ERICH6B: variants seen among roughly 807,000 people sequenced by gnomAD.
The protein encoded by ERICH6B is glutamate-rich protein 6B.
Under a neutral mutation model 80.0 loss-of-function variants are expected in ERICH6B, and 69 were observed. The observed-to-expected ratio is 0.86, with a 90% CI of 0.71 to 1.05. The LOEUF (loss-of-function observed/expected upper bound fraction) is 1.05, where lower values mean the gene tolerates loss of function less well. Ranked by LOEUF, ERICH6B falls within the 50% of genes least tolerant of loss-of-function variation. The pLI is 0.00. For missense variants in ERICH6B, 754 were observed against 796.1 expected, an observed-to-expected ratio of 0.95 and a Z score of 0.64; for synonymous variants, 283 against 291.9, an observed-to-expected ratio of 0.97 and a Z score of 0.31.
chr13:45,563,630 C>A, intron 10 of ERICH6B, 97 bp downstream of exon 10: 2 of 1,137,330 alleles, frequency 1.8e-6, no homozygotes, highest in Non-Finnish European at 2.6e-6. Flanking sequence ...GTGAATGAGC[C>A]CTTCCACCTT....
At chr13:45,544,336 A>G (rs1316829694) in intron 14 of ERICH6B, among the ~76,000 whole-genome samples, 2 of 152,148 alleles carry the variant, frequency 1.3e-5, no homozygotes, top group African/African-American at 4.8e-5. Flanking sequence ...CGGCCCCTCA[A>G]AGTGCTGGGA....
At chr13:45,561,965 A>T (rs1874701127) in intron 10 of ERICH6B, among the ~76,000 whole-genome samples, 1 of 152,186 alleles carries the variant, frequency 6.6e-6, no homozygotes, top group African/African-American at 2.4e-5. Context: ...AAAAAGGTAA[A>T]ATGGAAGTGT....
intron 1 of ERICH6B, among the ~76,000 whole-genome samples, chr13:45,613,572 C>T (rs1289289253): frequency 1.3e-5 from 2 of 152,176 alleles, no homozygotes; most frequent in African/African-American, 4.8e-5. Flanking sequence ...TGAAGTTTAT[C>T]ACAACCACCA....
In ERICH6B at chr13:45,559,618, A is replaced by T. The variant is rs187827816; in HGVS notation, c.1407+1751T>A. On this transcript the variant is annotated intron_variant, in intron 11 of 14. Transcript: ENST00000298738. The stretch of plus-strand genomic sequence containing the variant: ...TCACTATTGTCATTCAGTTCTAAAA[A>T]TTTTTAAATTTCCATCATGATTTCA... Among the ~76,000 whole-genome samples the T allele has an allele frequency of 6.3e-3, 954 of 152,236 alleles. 12 individuals carry two copies. Among genetic ancestry groups the T allele is most frequent in the African/African-American group, 0.022 (904 of 41,538 alleles).
intron 1 of ERICH6B, among the ~76,000 whole-genome samples, chr13:45,611,425 A>G (rs2138042118): frequency 6.6e-6 from 1 of 152,390 alleles, no homozygotes; most frequent in East Asian, 1.9e-4. Flanking sequence ...AGATTAAAGA[A>G]GCTTTCACAC....
chr13:45,597,312 G>C (rs1364421239), intron 2 of ERICH6B, among the ~76,000 whole-genome samples: 1 of 152,154 alleles, frequency 6.6e-6, no homozygotes, highest in East Asian at 1.9e-4. Flanking sequence ...GAAGTCAATG[G>C]GGAGGGCTGG....
chr13:45,571,293 C>G (rs1035333179), intron 8 of ERICH6B, among the ~76,000 whole-genome samples: 16 of 152,082 alleles, frequency 1.1e-4, no homozygotes, highest in African/African-American at 3.9e-4. Flanking sequence ...AGTGACTAGT[C>G]TTTACACCCT....
chr13:45,586,140 G>T (rs1371510626), intron 5 of ERICH6B, among the ~76,000 whole-genome samples: 1 of 152,026 alleles, frequency 6.6e-6, no homozygotes, highest in East Asian at 1.9e-4. Context: ...CGCTGAAAAA[G>T]GTCCCCAGTG....
At chr13:45,571,648 A>G (rs756347919) in intron 8 of ERICH6B, among the ~76,000 whole-genome samples, 2 of 152,234 alleles carry the variant, frequency 1.3e-5, no homozygotes, top group Non-Finnish European at 2.9e-5. Context: ...TTGAAGTTCA[A>G]TACCTTAGAC....
chr13:45,563,760 C>A lies in ERICH6B; in HGVS notation c.1216G>T (p.Glu406Ter), dbSNP rs867892205. The change falls in exon 10 of 15, where the codon GAA becomes TAA. Residue 406 changes from glutamate to a stop codon, truncating the protein, a stop_gained. Coordinates refer to ENST00000298738, the MANE Select transcript of ERICH6B (RefSeq NM_182542.3). LOFTEE classifies it high-confidence loss of function. Reference protein sequence around the residue: ...MLKKNYEKFKETILRIKRRRE... With the variant: ...MLKKNYEKFK The stretch of plus-strand genomic sequence containing the variant: ...CTCCTCTTAATCCGTAAGATTGTTT[C>A]CTTGAACTTTTCATAATTTTTCTTC... 6.4e-7 allele frequency: 1 copy of A among 1,552,250 alleles called. No individual in the cohort carries two copies. The highest frequency in any genetic ancestry group is 8.7e-7 in the Non-Finnish European group (1 of 1,147,120).
chr13:45,595,957 G>A (rs996196924), intron 3 of ERICH6B, among the ~76,000 whole-genome samples: 10 of 152,016 alleles, frequency 6.6e-5, no homozygotes, highest in Non-Finnish European at 1.5e-4. Context: ...CTTATATATA[G>A]TTTCTAAAAC....
chr13:45,597,302 G>A (rs913859601), intron 2 of ERICH6B, among the ~76,000 whole-genome samples: 1 of 152,198 alleles, frequency 6.6e-6, no homozygotes, highest in African/African-American at 2.4e-5. Flanking sequence ...TGCACAATAT[G>A]AAGTCAATGG....
At chr13:45,549,749 A>G in intron 13 of ERICH6B, 144 bp downstream of exon 13, 3 of 886,276 alleles carry the variant, frequency 3.4e-6, no homozygotes, top group Non-Finnish European at 5.0e-6. Context: ...GACCTCATGG[A>G]CTGGTCCATC....
At chr13:45,541,820 T>C (rs2137949237) in intron 14 of ERICH6B, 140 bp from the exon 15 acceptor site, 1 of 702,118 alleles carries the variant, frequency 1.4e-6, no homozygotes, top group South Asian at 1.9e-5. Flanking sequence ...TTCTCAGCCC[T>C]GCCACCTGCC....
intron 2 of ERICH6B, among the ~76,000 whole-genome samples, chr13:45,597,871 C>T (rs1876468853): frequency 6.6e-6 from 1 of 152,180 alleles, no homozygotes; most frequent in African/African-American, 2.4e-5. Context: ...ACTCCTCCTC[C>T]TCTCCACTGT....
rs746492755 is a variant in ERICH6B, at chr13:45,561,480, G to T, written c.1296C>A (p.Ser432Arg). Reference sequence around the variant, plus strand: ...TCTCAGGCTTCTCAGGTGTTGGTTTGCTCATTAAATGAAATGTGAAACTGG... The same window carrying T: ...TCTCAGGCTTCTCAGGTGTTGGTTTTCTCATTAAATGAAATGTGAAACTGG... Reference protein sequence around the residue: ...EMTSFTFHLMSKPTPEKPETE... With the variant: ...EMTSFTFHLMRKPTPEKPETE... The change falls in exon 11 of 15, where the codon AGC becomes AGA. Residue 432 changes from serine to arginine, a missense_variant. Coordinates refer to ENST00000298738, the MANE Select transcript of ERICH6B (RefSeq NM_182542.3). 2 of 1,551,968 alleles carry T rather than the reference G, an allele frequency of 1.3e-6. No homozygotes were observed.
rs1391742393 is a variant in ERICH6B, at chr13:45,544,995, G to C, written c.1647-10C>G. ...GGAGCTCAGGTTCAACCTGGACCAG[G>C]AGAAAGCATGTCAGGCAGCCAGGGC... On this transcript the variant is annotated splice_polypyrimidine_tract_variant and intron_variant, in intron 13 of 14. Coordinates refer to ENST00000298738, the MANE Select transcript of ERICH6B (RefSeq NM_182542.3). 8 of 1,548,400 alleles carry C rather than the reference G, an allele frequency of 5.2e-6. No individual in the cohort carries two copies. The highest frequency in any genetic ancestry group is 8.7e-7 in the Non-Finnish European group (1 of 1,145,478).
At chr13:45,546,542 G>C (rs75620308) in intron 13 of ERICH6B, among the ~76,000 whole-genome samples, 2 of 152,096 alleles carry the variant, frequency 1.3e-5, no homozygotes, top group East Asian at 3.8e-4. Flanking sequence ...TTTGACGCCC[G>C]TAGCTCCCTA....
chr13:45,595,310 A>G (rs1280628805), intron 3 of ERICH6B, among the ~76,000 whole-genome samples: 1 of 152,234 alleles, frequency 6.6e-6, no homozygotes, highest in Non-Finnish European at 1.5e-5. Context: ...GCTTATCAAC[A>G]CAACACAATG....
Sources: gnomAD v4.1 joint callset for allele counts (sites outside exome capture counted in the v4.1 genomes callset) on GRCh38, gnomAD v4.1.1 for gene constraint, MANE v1.5 for transcripts, NCBI Gene and HGNC (gene_info 2026-07-23, HGNC 2026-07-21) for gene names.